PEX5L: variants seen among roughly 807,000 people sequenced by gnomAD.
The protein encoded by PEX5L is peroxisomal biogenesis factor 5 like, also known as PEX5-related protein.
In PEX5L, 30 loss-of-function variants were observed where a neutral mutation model predicts 84.0. The observed-to-expected ratio is 0.36, with a 90% CI of 0.27 to 0.48. PEX5L has a LOEUF of 0.48. Ranked by LOEUF, PEX5L falls within the 20% of genes least tolerant of loss-of-function variation. The pLI is 0.99. For missense variants in PEX5L, 533 were observed against 754.6 expected (o/e 0.71, Z 3.44); for synonymous variants, 270 against 283.1 (o/e 0.95, Z 0.46).
chr3:180,032,242 T>C (rs1457676989), intron 1 of PEX5L, among the ~76,000 whole-genome samples: 2 of 152,232 alleles, frequency 1.3e-5, no homozygotes, highest in African/African-American at 2.4e-5. Context: ...AACAGAGTTC[T>C]AGTTAATATT....
At chr3:179,902,648 C>A (rs183702508) in intron 2 of PEX5L, 9 of 455,966 alleles carry the variant, frequency 2.0e-5, no homozygotes, top group Admixed American at 4.7e-5. Flanking sequence ...CCATTAAATG[C>A]CACTTTTACT....
chr3:179,846,787 A>G (rs73058658), intron 8 of PEX5L, among the ~76,000 whole-genome samples: 2,638 of 152,176 alleles, frequency 0.017, 75 homozygotes, highest in African/African-American at 0.054. Flanking sequence ...GTCTTACACC[A>G]TCAGCTCTCC....
At chr3:179,859,577 C>G (rs1250505376) in intron 7 of PEX5L, among the ~76,000 whole-genome samples, 1 of 152,184 alleles carries the variant, frequency 6.6e-6, no homozygotes, top group Non-Finnish European at 1.5e-5. Flanking sequence ...AGATCAGCCT[C>G]CGGTTAAAAA....
In PEX5L at chr3:180,036,581, G is replaced by T. The variant is rs1456956274; in HGVS notation, c.19C>A (p.Gln7Lys). The T allele has an allele frequency of 6.2e-7, 1 of 1,613,792 alleles. No homozygotes were observed. The highest frequency in any genetic ancestry group is 8.5e-7 in the Non-Finnish European group (1 of 1,179,766). Residue 7 changes from glutamine (Q) to lysine (K), a missense_variant and splice_region_variant, in exon 1 of 15, where the codon CAG becomes AAG. Physicochemically the swap from Gln to Lys is moderately conservative, Grantham distance 53 (BLOSUM62 1). This residue lies in a region of PEX5L where 259 missense variants were observed against 301.7 expected (regional missense o/e 0.86). Coordinates refer to ENST00000467460, the MANE Select transcript of PEX5L (RefSeq NM_016559.3). ...CCAGCCCTATAGAAATGTCTTACCT[G>T]CATGTGTCCCTGGTACATTCTGCTT... Reference protein sequence around the residue: MYQGHMQKSKEQGYGKL... With the variant: MYQGHMKKSKEQGYGKL...
At chr3:179,956,842 A>C (rs1780689549) in intron 2 of PEX5L, among the ~76,000 whole-genome samples, 1 of 152,218 alleles carries the variant, frequency 6.6e-6, no homozygotes, top group African/African-American at 2.4e-5. Flanking sequence ...ATTCCCACAA[A>C]CATCATGCAG....
At chr3:179,962,478 A>G (rs1308969762) in intron 2 of PEX5L, among the ~76,000 whole-genome samples, 1 of 152,196 alleles carries the variant, frequency 6.6e-6, no homozygotes, top group Non-Finnish European at 1.5e-5. Context: ...CTTTTCATCA[A>G]AGTTTATCTA....
chr3:179,985,807 C>G lies in PEX5L; in HGVS notation c.22-14142G>C, dbSNP rs536523577. On this transcript the variant is annotated intron_variant, in intron 1 of 14. Coordinates refer to ENST00000467460, the MANE Select transcript of PEX5L (RefSeq NM_016559.3). ...CCTCTCTGGGGGCCTTTCTGCCTCC[C>G]CTCAGTCCCATTTTGGGTGCGCACG... Among the ~76,000 whole-genome samples, 4 of 152,078 alleles carry G rather than the reference C, an allele frequency of 2.6e-5. No individual in the cohort carries two copies. The East Asian group carries it at 7.7e-4, about 29-fold the overall frequency.
chr3:179,994,295 T>C (rs189618675), intron 1 of PEX5L, among the ~76,000 whole-genome samples: 1 of 152,372 alleles, frequency 6.6e-6, no homozygotes, highest in East Asian at 1.9e-4. Flanking sequence ...TTTTTATACA[T>C]TAAAAGTTAA....
chr3:179,907,191 AAT>A (rs770955275), intron 2 of PEX5L, among the ~76,000 whole-genome samples: 1 of 152,130 alleles, frequency 6.6e-6, no homozygotes, highest in Non-Finnish European at 1.5e-5. Context: ...GCCTCTAGTA[AAT>A]AAAATATATA....
At chr3:179,948,185 A>G (rs1209651094) in intron 2 of PEX5L, among the ~76,000 whole-genome samples, 1 of 152,234 alleles carries the variant, frequency 6.6e-6, no homozygotes. Flanking sequence ...TTTATAATTC[A>G]TAGCAAAGGG....
chr3:179,824,255 G>A (rs752032036), intron 8 of PEX5L, among the ~76,000 whole-genome samples: 2 of 152,140 alleles, frequency 1.3e-5, no homozygotes, highest in Non-Finnish European at 2.9e-5. Flanking sequence ...GTGCTGTAAA[G>A]GAACTAATCA....
chr3:179,835,982 G>A (rs1449354200), intron 8 of PEX5L, among the ~76,000 whole-genome samples: 1 of 151,888 alleles, frequency 6.6e-6, no homozygotes, highest in African/African-American at 2.4e-5. Context: ...AAATAATGTA[G>A]GCAAACCAAG....
chr3:179,882,575 AG>A (rs1754480551), intron 4 of PEX5L, among the ~76,000 whole-genome samples: 1 of 152,212 alleles, frequency 6.6e-6, no homozygotes, highest in Non-Finnish European at 1.5e-5. Flanking sequence ...AAAGGAGAGA[AG>A]GGTGGGTGTA....
At chr3:179,957,132 T>C (rs1053408982) in intron 2 of PEX5L, among the ~76,000 whole-genome samples, 2 of 147,368 alleles carry the variant, frequency 1.4e-5, no homozygotes, top group African/African-American at 2.5e-5. Context: ...AGGTACAAAA[T>C]TGAATGCACA....
rs776141764 is a variant in PEX5L, at chr3:179,809,560, A to C, written c.1263T>G (p.Ile421Met). The stretch of plus-strand genomic sequence containing the variant: ...GGTATTTGTACTTTGGATTTTGCTT[A>C]ATCCAATTCTTCAGAGCGTCACAGG... The part of the protein sequence containing the change: ...QDACDALKNW[I>M]KQNPKYKYLV... The change falls in exon 12 of 15, where the codon ATT (isoleucine) becomes ATG (methionine). Residue 421 changes from isoleucine to methionine, a missense_variant. This residue lies in a region of PEX5L where 63 missense variants were observed against 60.2 expected (regional missense o/e 1.05). Coordinates refer to ENST00000467460, the MANE Select transcript of PEX5L (RefSeq NM_016559.3). 3 of 1,613,982 alleles carry C rather than the reference A, an allele frequency of 1.9e-6. No individual in the cohort carries two copies. The highest frequency in any genetic ancestry group is 3.3e-5 in the Admixed American group (2 of 59,996).
At chr3:180,015,272 T>C (rs1354233330) in intron 1 of PEX5L, among the ~76,000 whole-genome samples, 3 of 152,198 alleles carry the variant, frequency 2.0e-5, no homozygotes, top group Admixed American at 6.5e-5. Context: ...ATTTTTTAAA[T>C]AATATTGTAT....
At chr3:179,846,711 G>A (rs981129897) in intron 8 of PEX5L, among the ~76,000 whole-genome samples, 5 of 152,158 alleles carry the variant, frequency 3.3e-5, no homozygotes, top group Non-Finnish European at 7.3e-5. Flanking sequence ...CAGAGAAAGG[G>A]AGAATTTACT....
chr3:180,029,485 A>G (rs1370791060), intron 1 of PEX5L, among the ~76,000 whole-genome samples: 1 of 152,232 alleles, frequency 6.6e-6, no homozygotes, highest in Non-Finnish European at 1.5e-5. Flanking sequence ...TTTTTCCAGA[A>G]GGAAAAACTA....
chr3:179,967,721 T>C (rs1022116289), intron 2 of PEX5L, among the ~76,000 whole-genome samples: 1 of 152,192 alleles, frequency 6.6e-6, no homozygotes, highest in African/African-American at 2.4e-5. Context: ...GTTAAATTTA[T>C]CACAAGTTAC....
Sources: gnomAD v4.1 joint callset for allele counts (sites outside exome capture counted in the v4.1 genomes callset) on GRCh38, gnomAD v4.1.1 for gene constraint, gnomAD v4.1.1 regional missense constraint, MANE v1.5 for transcripts, NCBI Gene and HGNC (gene_info 2026-07-23, HGNC 2026-07-21) for gene names.